DOCK8: variants seen among roughly 807,000 people sequenced by gnomAD.
The protein encoded by DOCK8 is dedicator of cytokinesis 8.
A neutral mutation model predicts 245.6 loss-of-function variants in DOCK8; 141 were observed. The observed-to-expected ratio is 0.57, with a 90% CI of 0.50 to 0.66. The LOEUF (loss-of-function observed/expected upper bound fraction) is 0.66, where lower values mean the gene tolerates loss of function less well. Ranked by LOEUF, DOCK8 falls within the 30% of genes least tolerant of loss-of-function variation. The pLI is 0.00. For synonymous variants in DOCK8, 1,168 were observed against 970.2 expected (o/e 1.20, Z -3.79); for missense variants, 2,965 against 2,603.4 (o/e 1.14, Z -3.02).
chr9:417,492 A>C (rs1024515859), intron 29 of DOCK8, among the ~76,000 whole-genome samples: 3 of 152,230 alleles, frequency 2.0e-5, no homozygotes, highest in Non-Finnish European at 4.4e-5. Flanking sequence ...GAACTGCTTG[A>C]AATATTAATA....
chr9:215,497 C>G (rs1454612450), intron 1 of DOCK8: 1 of 1,445,310 alleles, frequency 6.9e-7, no homozygotes, highest in Non-Finnish European at 9.1e-7. Context: ...CTTCTGTCGT[C>G]CTGAGCAAGG....
At chr9:300,984 C>A (rs1183901907) in intron 4 of DOCK8, among the ~76,000 whole-genome samples, 2 of 152,152 alleles carry the variant, frequency 1.3e-5, no homozygotes, top group Non-Finnish European at 2.9e-5. Flanking sequence ...TCCTCTCTAA[C>A]TCATTCTGCA....
At chr9:461,742 A>G (rs771735170) in intron 46 of DOCK8, among the ~76,000 whole-genome samples, 3 of 151,540 alleles carry the variant, frequency 2.0e-5, no homozygotes, top group Non-Finnish European at 4.4e-5. Flanking sequence ...GGGTTTTGCC[A>G]TGTTGCCCAG....
intron 7 of DOCK8, among the ~76,000 whole-genome samples, chr9:324,631 C>G (rs1758466368): frequency 1.3e-5 from 2 of 152,140 alleles, no homozygotes; most frequent in African/African-American, 4.8e-5. Flanking sequence ...CTGCTGTGCT[C>G]AAGCCCCTCC....
chr9:323,381 G>A (rs1173525545), intron 7 of DOCK8, among the ~76,000 whole-genome samples: 1 of 151,584 alleles, frequency 6.6e-6, no homozygotes, highest in African/African-American at 2.4e-5. Flanking sequence ...TTGCCACCAC[G>A]CTCGGCCAGT....
chr9:420,266 G>A, intron 30 of DOCK8, 135 bp from the exon 31 acceptor site: 1 of 977,698 alleles, frequency 1.0e-6, no homozygotes. Flanking sequence ...TAGATCTCCA[G>A]CCTAGCAGTG....
intron 28 of DOCK8, among the ~76,000 whole-genome samples, chr9:410,303 A>C (rs965089536): frequency 7.9e-5 from 12 of 152,190 alleles, no homozygotes; most frequent in African/African-American, 2.9e-4. Context: ...TTATTATTAG[A>C]AATTAATACT....
At chr9:430,771 G>A (rs1017994495) in intron 36 of DOCK8, among the ~76,000 whole-genome samples, 4 of 152,114 alleles carry the variant, frequency 2.6e-5, no homozygotes, top group Non-Finnish European at 4.4e-5. Flanking sequence ...TCAGAAGAGT[G>A]TTTCCTGTTT....
At chr9:458,936 C>G (rs966213195) in intron 46 of DOCK8, among the ~76,000 whole-genome samples, 1 of 152,164 alleles carries the variant, frequency 6.6e-6, no homozygotes, top group South Asian at 2.1e-4. Flanking sequence ...GCCAGGAATC[C>G]TTTTCTGGAG....
At chr9:285,865 A>G (rs953411314) in intron 2 of DOCK8, among the ~76,000 whole-genome samples, 25 of 152,180 alleles carry the variant, frequency 1.6e-4, no homozygotes, top group African/African-American at 6.0e-4. Flanking sequence ...TTTCTTCCAG[A>G]CCAGCACCAG....
At chr9:403,994 G>GTA (rs748371928) in intron 26 of DOCK8, among the ~76,000 whole-genome samples, 6,156 of 70,216 alleles carry the variant, frequency 0.088, 269 homozygotes, top group African/African-American at 0.14. Flanking sequence ...ATATATATGT[G>GTA]TATATATATA....
intron 5 of DOCK8, among the ~76,000 whole-genome samples, chr9:309,891 C>A (rs2050020031): frequency 6.6e-6 from 1 of 152,202 alleles, no homozygotes; most frequent in Non-Finnish European, 1.5e-5. Flanking sequence ...CCAGTGCAGT[C>A]TCCTATCTAT....
intron 14 of DOCK8, chr9:365,902 A>G (rs543816722): frequency 9.0e-5 from 29 of 322,114 alleles, no homozygotes; most frequent in Non-Finnish European, 1.6e-4. Context: ...ATCATTTACT[A>G]TATCCACGTC....
intron 14 of DOCK8, among the ~76,000 whole-genome samples, chr9:344,729 G>C (rs2051786576): frequency 6.6e-6 from 1 of 152,124 alleles, no homozygotes; most frequent in South Asian, 2.1e-4. Context: ...AACAGGTATG[G>C]ATTAGTCTTA....
intron 1 of DOCK8, among the ~76,000 whole-genome samples, chr9:224,742 A>G (rs600951): frequency 0.61 from 92,355 of 152,002 alleles, 28,755 homozygotes; most frequent in East Asian, 0.75. Flanking sequence ...CCCCAGGAAG[A>G]CAAACTGGAG....
intron 33 of DOCK8, among the ~76,000 whole-genome samples, chr9:425,092 C>G (rs187821112): frequency 6.6e-6 from 1 of 152,076 alleles, no homozygotes; most frequent in African/African-American, 2.4e-5. Context: ...TTAGGATAAA[C>G]AAAATATATT....
At chr9:253,695 C>T (rs764911226) in intron 1 of DOCK8, among the ~76,000 whole-genome samples, 6 of 152,176 alleles carry the variant, frequency 3.9e-5, no homozygotes, top group Non-Finnish European at 7.3e-5. Context: ...CAGAAAGAGC[C>T]GTGTGGGTGT....
At chr9:400,941 C>CTT (rs2055012801) in intron 26 of DOCK8, among the ~76,000 whole-genome samples, 1 of 103,026 alleles carries the variant, frequency 9.7e-6, no homozygotes, top group African/African-American at 3.1e-5. Flanking sequence ...ACATCCACCA[C>CTT]CACCATCACC....
intron 1 of DOCK8, among the ~76,000 whole-genome samples, chr9:248,531 CTCT>C (rs1563839231): frequency 1.1e-5 from 1 of 87,522 alleles, no homozygotes; most frequent in Non-Finnish European, 3.0e-5. Context: ...CTCCCTCTCT[CTCT>C]TTCTTTCTTT....
Sources: allele counts gnomAD v4.1 joint callset (sites outside exome capture counted in the v4.1 genomes callset), GRCh38; gene constraint gnomAD v4.1.1; transcripts MANE v1.5; gene names NCBI Gene and HGNC (gene_info 2026-07-23, HGNC 2026-07-21).